The following VAX2 variants were observed in gnomAD, a reference collection of about 807,000 sequenced individuals.
VAX2 encodes ventral anterior homeobox 2.
VAX2 carries 8 observed loss-of-function variants against 12.5 expected under a neutral mutation model. The observed-to-expected ratio is 0.64, with a 90% CI of 0.37 to 1.15. VAX2 has a LOEUF of 1.15. Ranked by LOEUF, VAX2 falls within the 50% of genes most tolerant of loss-of-function variation. The pLI is 0.01. For synonymous variants in VAX2, 183 were observed against 187.6 expected (o/e 0.98, Z 0.20); for missense variants, 476 against 412.9 (o/e 1.15, Z -1.32).
chr2:70,927,427 TG>T (rs1679599385), intron 2 of VAX2, among the ~76,000 whole-genome samples: 1 of 151,526 alleles, frequency 6.6e-6, no homozygotes, highest in Admixed American at 6.6e-5. Context: ...CTCAGCCTCA[TG>T]CTTGATGCCT....
intron 1 of VAX2, among the ~76,000 whole-genome samples, chr2:70,917,837 G>A (rs1266364646): frequency 6.6e-6 from 1 of 152,122 alleles, no homozygotes; most frequent in East Asian, 1.9e-4. Flanking sequence ...GTGGGCTTGA[G>A]GAGGCTTATT....
chr2:70,911,160 A>G (rs577109487), intron 1 of VAX2, among the ~76,000 whole-genome samples: 1 of 152,246 alleles, frequency 6.6e-6, no homozygotes, highest in Admixed American at 6.5e-5. Flanking sequence ...TGTGGTTACA[A>G]AAACACAAAC....
intron 1 of VAX2, among the ~76,000 whole-genome samples, chr2:70,902,926 G>A (rs1678966217): frequency 6.6e-6 from 1 of 152,194 alleles, no homozygotes; most frequent in Admixed American, 6.5e-5. Flanking sequence ...TAGACATAAA[G>A]CATAGAGGAT....
chr2:70,917,212 C>A (rs1213767981), intron 1 of VAX2, among the ~76,000 whole-genome samples: 2 of 149,708 alleles, frequency 1.3e-5, no homozygotes, highest in African/African-American at 5.0e-5. Flanking sequence ...ACCCCAGCTA[C>A]TCAGGAGGCT....
At chr2:70,926,304 TGC>T (rs1679570521) in intron 2 of VAX2, among the ~76,000 whole-genome samples, 1 of 152,154 alleles carries the variant, frequency 6.6e-6, no homozygotes, top group Non-Finnish European at 1.5e-5. Flanking sequence ...TAAGCATGGC[TGC>T]CCTGGAGAGC....
chr2:70,918,321 A>C (rs1481520827), intron 1 of VAX2, among the ~76,000 whole-genome samples: 4 of 152,200 alleles, frequency 2.6e-5, no homozygotes, highest in Non-Finnish European at 5.9e-5. Flanking sequence ...CATACCCTGG[A>C]AGGGGAGTGT....
At chr2:70,911,658 G>A (rs1447486938) in intron 1 of VAX2, among the ~76,000 whole-genome samples, 1 of 152,108 alleles carries the variant, frequency 6.6e-6, no homozygotes, top group Non-Finnish European at 1.5e-5. Flanking sequence ...ATATCTCATT[G>A]CTGTTATAAC....
At chr2:70,925,636 G>A (rs1247024244) in intron 2 of VAX2, among the ~76,000 whole-genome samples, 1 of 152,140 alleles carries the variant, frequency 6.6e-6, no homozygotes, top group East Asian at 1.9e-4. Flanking sequence ...GAGCTCTTTT[G>A]GGGGAAAAGA....
chr2:70,928,336 C>T (rs978473707), intron 2 of VAX2, among the ~76,000 whole-genome samples: 5 of 152,188 alleles, frequency 3.3e-5, no homozygotes, highest in African/African-American at 1.2e-4. Flanking sequence ...AGGCCTCAGC[C>T]CCATTCCCTA....
rs1679013505 is a variant in VAX2 at position 70,904,818 on chromosome 2, G to A, written c.247+3950G>A. On this transcript the variant is annotated intron_variant, in intron 1 of 2. Coordinates refer to ENST00000234392, the MANE Select transcript of VAX2 (RefSeq NM_012476.3). This position sits in a 1 kb window ranked among gnomAD's most constrained non-coding sequence, Gnocchi z 4.2. ...GCGATTCCCGCCGTGGGACGGGTGG[G>A]ATTGACCTTAGTGGAGTCCAGTCCT... is the stretch of plus-strand genomic sequence containing the variant. 6.6e-6 allele frequency among the ~76,000 whole-genome samples: 1 copy of A among 152,242 alleles called. No homozygotes were observed. The highest frequency in any genetic ancestry group is 2.4e-5 in the African/African-American group (1 of 41,466).
At chr2:70,906,876 C>T (rs916606448) in intron 1 of VAX2, among the ~76,000 whole-genome samples, 16 of 152,180 alleles carry the variant, frequency 1.1e-4, no homozygotes, top group Non-Finnish European at 2.1e-4. Context: ...GCTCCCCGAG[C>T]CTGCTTCCCT....
At chr2:70,929,362 C>A (rs782512766) in intron 2 of VAX2, among the ~76,000 whole-genome samples, 7 of 152,326 alleles carry the variant, frequency 4.6e-5, no homozygotes, top group Middle Eastern at 3.4e-3. Flanking sequence ...TGTTACCTGT[C>A]TATGACATGG....
chr2:70,913,676 AAAATAAATAAATAAATAAATAAAT>A (rs70956996), intron 1 of VAX2, among the ~76,000 whole-genome samples: 11 of 148,328 alleles, frequency 7.4e-5, no homozygotes, highest in Admixed American at 3.4e-4. Flanking sequence ...ACTCCGACTC[AAAATAAATAAATAAATAAATAAAT>A]AAATAAATAA....
intron 2 of VAX2, among the ~76,000 whole-genome samples, chr2:70,928,680 C>A (rs577742259): frequency 1.3e-5 from 2 of 152,174 alleles, no homozygotes; most frequent in African/African-American, 4.8e-5. Flanking sequence ...TCCCTGAGTA[C>A]GAATTGCCCT....
At chr2:70,929,611 C>G (rs1394561999) in intron 2 of VAX2, among the ~76,000 whole-genome samples, 5 of 150,644 alleles carry the variant, frequency 3.3e-5, no homozygotes, top group African/African-American at 4.9e-5. Flanking sequence ...CACTTGAACC[C>G]CGGAGGTGGA....
intron 2 of VAX2, among the ~76,000 whole-genome samples, chr2:70,922,967 TG>T (rs1436092104): frequency 6.6e-6 from 1 of 152,168 alleles, no homozygotes; most frequent in Non-Finnish European, 1.5e-5. Context: ...GCAGGCACCT[TG>T]CCCTCTTCCC....
chr2:70,912,949 C>T (rs1476852928), intron 1 of VAX2, among the ~76,000 whole-genome samples: 1 of 146,184 alleles, frequency 6.8e-6, no homozygotes, highest in Non-Finnish European at 1.5e-5. Context: ...TTCATTTCAC[C>T]CTAATAAGTG....
In VAX2 at chr2:70,932,777, G is replaced by C; in HGVS notation, c.446G>C (p.Trp149Ser). Residue 149 changes from tryptophan to serine, a missense_variant, in exon 3 of 3, where the codon TGG (tryptophan) becomes TCG (serine). By Grantham distance (177) the Trp-to-Ser change is radical (BLOSUM62 -3). Transcript: ENST00000234392. ...LNLSETQVKV[W>S]FQNRRTKQKK... ...CTCCCCCACCCCAAGGTGAAGGTCTGGTTCCAGAACCGCCGCACCAAGCAG... is the reference window on the plus strand; with the variant it reads ...CTCCCCCACCCCAAGGTGAAGGTCTCGTTCCAGAACCGCCGCACCAAGCAG... The C allele has an allele frequency of 6.4e-7, 1 of 1,559,258 alleles. No homozygotes were observed. The highest frequency in any genetic ancestry group is 1.2e-5 in the South Asian group (1 of 83,244).
intron 1 of VAX2, among the ~76,000 whole-genome samples, chr2:70,917,348 A>ATAAAT (rs1679332047): frequency 1.3e-5 from 2 of 151,042 alleles, no homozygotes; most frequent in Non-Finnish European, 2.9e-5. Flanking sequence ...TAAATAAAAC[A>ATAAAT]AAAACAAATA....
Sources: gnomAD v4.1 joint callset for allele counts (sites outside exome capture counted in the v4.1 genomes callset) on GRCh38, gnomAD v4.1.1 for gene constraint, Gnocchi (gnomAD v3.1) non-coding constraint, MANE v1.5 for transcripts, NCBI Gene and HGNC (gene_info 2026-07-23, HGNC 2026-07-21) for gene names.